Variants in ZNF653 observed in about 807,000 individuals in gnomAD.
ZNF653 encodes zinc finger protein 653.
ZNF653 carries 37 observed loss-of-function variants against 59.9 expected under a neutral mutation model. The ratio of observed to expected loss-of-function variants is 0.62; its 90% CI spans 0.48 to 0.81. The LOEUF (loss-of-function observed/expected upper bound fraction) is 0.81, where lower values mean the gene tolerates loss of function less well. ZNF653 is among the 40% of genes least tolerant of loss of function. ZNF653 has a pLI of 0.00. For missense variants in ZNF653, 808 were observed against 881.1 expected (o/e 0.92, Z 1.05); for synonymous variants, 435 against 371.8 (o/e 1.17, Z -1.96).
chr19:11,487,758 C>A lies in ZNF653; in HGVS notation c.705G>T (p.Gly235=). The A allele has an allele frequency of 1.2e-6, 2 of 1,613,050 alleles. No homozygotes were observed. Among genetic ancestry groups the A allele is most frequent in the Non-Finnish European group, 1.7e-6 (2 of 1,179,834 alleles). Residue 235 remains glycine (G), a synonymous_variant, in exon 4 of 9, where the codon GGG becomes GGT. Coordinates refer to ENST00000293771, the MANE Select transcript of ZNF653 (RefSeq NM_138783.4). The surrounding 1 kb of genome is among the most constrained non-coding windows in gnomAD (Gnocchi z 5.1). ...TGTGCACGCCCTCCTGAGTGATGAG[C>A]CCGCTGCTGCCCACCGGGCTGGTGG... ...ATPTSPVGSS[G]LITQEGVHIP...
chr19:11,492,028 A>G (rs1197153106), intron 3 of ZNF653, among the ~76,000 whole-genome samples: 1 of 151,802 alleles, frequency 6.6e-6, no homozygotes, highest in Non-Finnish European at 1.5e-5. Flanking sequence ...CAAAGCACAT[A>G]CCACCTTACA....
At chr19:11,496,949 C>T (rs1386337308) in intron 2 of ZNF653, among the ~76,000 whole-genome samples, 1 of 152,240 alleles carries the variant, frequency 6.6e-6, no homozygotes, top group East Asian at 1.9e-4. Context: ...CACTTGGTGA[C>T]TGCACTCCAC....
chr19:11,492,193 C>A (rs1340037528), intron 3 of ZNF653, among the ~76,000 whole-genome samples: 1 of 152,020 alleles, frequency 6.6e-6, no homozygotes, highest in Admixed American at 6.6e-5. Context: ...ATTACAGGCA[C>A]ACCCCACCAT....
intron 3 of ZNF653, among the ~76,000 whole-genome samples, chr19:11,490,053 C>T (rs925362859): frequency 3.3e-5 from 5 of 152,248 alleles, no homozygotes; most frequent in Non-Finnish European, 5.9e-5. Context: ...TCCCACAAGA[C>T]CGCCGGACTT....
chr19:11,493,777 G>A (rs1275252558), intron 3 of ZNF653, among the ~76,000 whole-genome samples: 1 of 152,186 alleles, frequency 6.6e-6, no homozygotes, highest in East Asian at 1.9e-4. Context: ...CCAGCACTTT[G>A]GGAGGCCAAG....
rs143826181 is a variant in ZNF653 at position 11,483,686 on chromosome 19, G to A, written c.1844C>T (p.Thr615Ile). 2.5e-6 allele frequency: 4 copies of A among 1,612,138 alleles called. No homozygotes were observed. The highest frequency in any genetic ancestry group is 3.4e-6 in the Non-Finnish European group (4 of 1,178,470). The stretch of plus-strand genomic sequence containing the variant: ...GGCGGTCAGTGGTCAGGTGGGTCAG[G>A]TGGGCTTGTGATCCGGGTGGCTTTT... ...TLKSHPDHKP[T>I] Residue 615 changes from threonine (T) to isoleucine (I), a missense_variant, in exon 9 of 9, where the codon ACC becomes ATC. Coordinates refer to ENST00000293771, the MANE Select transcript of ZNF653 (RefSeq NM_138783.4).
chr19:11,493,650 T>C (rs2144942625), intron 3 of ZNF653, among the ~76,000 whole-genome samples: 1 of 152,336 alleles, frequency 6.6e-6, no homozygotes, highest in South Asian at 2.1e-4. Context: ...AGCACGCGTC[T>C]GGGTCCACCT....
chr19:11,486,863 C>T lies in ZNF653; in HGVS notation c.1361G>A (p.Arg454Gln), dbSNP rs752213620. ...GCCGTCAGCATCCATCACCCGCGACCGCTTGCTCCGCCGCCTCCTGGAGGG... is the reference window on the plus strand; with the variant it reads ...GCCGTCAGCATCCATCACCCGCGACTGCTTGCTCCGCCGCCTCCTGGAGGG... ...KEPEKRRRSK[R>Q]SRVMDADGLL... The change falls in exon 6 of 9, where the codon CGG (arginine) becomes CAG (glutamine). Residue 454 changes from arginine (R) to glutamine (Q), a missense_variant. Coordinates refer to ENST00000293771, the MANE Select transcript of ZNF653 (RefSeq NM_138783.4). 16 of 1,610,948 alleles carry T rather than the reference C, an allele frequency of 9.9e-6. No homozygotes were observed. The highest frequency in any genetic ancestry group is 1.1e-5 in the Non-Finnish European group (13 of 1,178,700).
chr19:11,483,769 C>G lies in ZNF653; in HGVS notation c.1761G>C (p.Thr587=), dbSNP rs776283479. The change falls in exon 9 of 9, where the codon ACG becomes ACC. Residue 587 remains threonine, a synonymous_variant. Transcript: ENST00000293771. ...KHTAEVQYNF[T]CDRCGKRFEK... ...CGAAGCGCTTCCCGCAGCGATCGCACGTGAAGTTGTACTGCACCTCCGCAG... is the reference window on the plus strand; with the variant it reads ...CGAAGCGCTTCCCGCAGCGATCGCAGGTGAAGTTGTACTGCACCTCCGCAG... 3 of 1,613,538 alleles carry G rather than the reference C, an allele frequency of 1.9e-6. No homozygotes were observed. The highest frequency in any genetic ancestry group is 1.1e-5 in the South Asian group (1 of 91,032).
intron 3 of ZNF653, among the ~76,000 whole-genome samples, chr19:11,494,967 A>G (rs73512768): frequency 0.08 from 12,179 of 152,240 alleles, 789 homozygotes; most frequent in African/African-American, 0.18. Context: ...GGCAGCCGAG[A>G]GGCCACTGCA....
rs891472354 is a variant in ZNF653, at chr19:11,495,018, C to T, written c.559+932G>A. The stretch of plus-strand genomic sequence containing the variant: ...CGACACTTGGTGGGACGGTCGTTGG[C>T]GGGGGCGCCCACCCGGAACACCTCT... On this transcript the variant is annotated intron_variant, in intron 3 of 8. Coordinates refer to ENST00000293771, the MANE Select transcript of ZNF653 (RefSeq NM_138783.4). This position sits in a 1 kb window ranked among gnomAD's most constrained non-coding sequence, Gnocchi z 4.9. Among the ~76,000 whole-genome samples, 1 of 152,174 alleles carries T rather than the reference C, an allele frequency of 6.6e-6. No homozygotes were observed. Among genetic ancestry groups the T allele is most frequent in the African/African-American group, 2.4e-5 (1 of 41,452 alleles).
rs1346383935 is a variant in ZNF653, at chr19:11,483,479, A to C, written c.*203T>G. 1 of 1,386,326 alleles carries C rather than the reference A, an allele frequency of 7.2e-7. No homozygotes were observed. Among genetic ancestry groups the C allele is most frequent in the African/African-American group, 1.5e-5 (1 of 66,380 alleles). The allele number at this position is 1,386,326 out of a possible 1,614,324, so 85.9% of individuals were successfully genotyped here. On this transcript the variant is annotated 3_prime_UTR_variant, in exon 9 of 9. Coordinates refer to ENST00000293771, the MANE Select transcript of ZNF653 (RefSeq NM_138783.4). ...CTGCTCTCTTGACACAGTTCCAGCA[A>C]TGCAGCCCCAGGCACCAGCTCCGAG...
Position 11,505,729 on chromosome 19 carries a change from C to G in ZNF653, c.58G>C (p.Gly20Arg), listed in dbSNP as rs966103146. ...GCGCCCTCCTCGGCTGCTGCCTCCCCGCCCGCGCCCGCCTCAGCCTCCGCC... is the reference window on the plus strand; with the variant it reads ...GCGCCCTCCTCGGCTGCTGCCTCCCGGCCCGCGCCCGCCTCAGCCTCCGCC... ...AEAEAEAGAG[G>R]EAAAEEGAAG... Residue 20 changes from glycine (G) to arginine (R), a missense_variant, in exon 1 of 9, where the codon GGG becomes CGG. Physicochemically the swap from Gly to Arg is moderately radical, Grantham distance 125. Coordinates refer to ENST00000293771, the MANE Select transcript of ZNF653 (RefSeq NM_138783.4). The G allele has an allele frequency of 1.3e-4, 192 of 1,458,298 alleles. No homozygotes were observed. The highest frequency in any genetic ancestry group is 1.6e-4 in the Non-Finnish European group (184 of 1,115,482). The allele number at this position is 1,458,298 out of a possible 1,614,324, so 90.3% of individuals were successfully genotyped here. A position where few individuals can be genotyped will look rare whatever the true frequency, so the allele number is the denominator to read the frequency against.
chr19:11,500,159 A>T (rs1007246228), intron 1 of ZNF653, among the ~76,000 whole-genome samples: 1 of 151,998 alleles, frequency 6.6e-6, no homozygotes, highest in Non-Finnish European at 1.5e-5. Context: ...CAGCCCTGTA[A>T]CAATTCTCAG....
chr19:11,486,707 T>C, intron 6 of ZNF653, 62 bp downstream of exon 6: 2 of 1,377,128 alleles, frequency 1.5e-6, no homozygotes, highest in Non-Finnish European at 2.0e-6. Context: ...TAGGACATCC[T>C]GGTGGTGCCA....
chr19:11,501,921 C>T lies in ZNF653; in HGVS notation c.299+3567G>A, dbSNP rs112239685. Reference sequence around the variant, plus strand: ...GTGATTCTCCTGCCTCAGCCTCCTGCGTAGCTGGGACTATAGGCGTGTGCC... The same window carrying T: ...GTGATTCTCCTGCCTCAGCCTCCTGTGTAGCTGGGACTATAGGCGTGTGCC... On this transcript the variant is annotated intron_variant, in intron 1 of 8. Transcript: ENST00000293771. Among the ~76,000 whole-genome samples, 636 of 151,122 alleles carry T rather than the reference C, an allele frequency of 4.2e-3. 4 individuals are homozygous for T. Among genetic ancestry groups the T allele is most frequent in the African/African-American group, 0.014 (593 of 41,136 alleles).
intron 3 of ZNF653, among the ~76,000 whole-genome samples, chr19:11,489,491 G>A (rs1054282179): frequency 3.3e-5 from 5 of 152,126 alleles, no homozygotes; most frequent in Admixed American, 6.6e-5. Context: ...GAGGCACCTC[G>A]TGTGGCCCTG....
chr19:11,505,502 CCG>C lies in ZNF653; in HGVS notation c.283_284del (p.Arg95GlufsTer88). 1 of 1,491,126 alleles carries C rather than the reference CCG, an allele frequency of 6.7e-7. No homozygotes were observed. The highest frequency in any genetic ancestry group is 8.8e-7 in the Non-Finnish European group (1 of 1,133,394). 92.4% of individuals were successfully genotyped at this position (1,491,126 alleles called of 1,614,324 possible). ...GGCCCCCTCACCCGTGGCGGCCGCT[CCG>C]CTGGCCGCGCTCCAGAGAGATGAGG... ...AYLISLERGQ[R>X]SGRHGKPWEQ... is the part of the protein sequence containing the mutation. On this transcript the variant is annotated frameshift_variant, in exon 1 of 9. Coordinates refer to ENST00000293771, the MANE Select transcript of ZNF653 (RefSeq NM_138783.4). LOFTEE classifies it high-confidence loss of function.
At position 11,495,031 on chromosome 19, in the gene ZNF653, C is replaced by T. The variant is rs1242973903; in HGVS notation, c.559+919G>A. On this transcript the variant is annotated intron_variant, in intron 3 of 8. Transcript: ENST00000293771. The surrounding 1 kb of genome is among the most constrained non-coding windows in gnomAD (Gnocchi z 4.9). ...GACGGTCGTTGGCGGGGGCGCCCACCCGGAACACCTCTCGCCCCCGGCTTC... is the reference window on the plus strand; with the variant it reads ...GACGGTCGTTGGCGGGGGCGCCCACTCGGAACACCTCTCGCCCCCGGCTTC... 6.6e-6 allele frequency among the ~76,000 whole-genome samples: 1 copy of T among 152,200 alleles called. No homozygotes were observed. The highest frequency in any genetic ancestry group is 1.5e-5 in the Non-Finnish European group (1 of 68,034).
Sources: allele counts gnomAD v4.1 joint callset (sites outside exome capture counted in the v4.1 genomes callset), GRCh38; gene constraint gnomAD v4.1.1; non-coding constraint Gnocchi (gnomAD v3.1); transcripts MANE v1.5; gene names NCBI Gene and HGNC (gene_info 2026-07-23, HGNC 2026-07-21).